Variants in CNTN4 observed in about 807,000 individuals in gnomAD.
CNTN4 encodes contactin-4.
CNTN4 carries 77 observed loss-of-function variants against 122.5 expected under a neutral mutation model. The observed-to-expected ratio is 0.63, with a 90% CI of 0.52 to 0.76. The LOEUF (loss-of-function observed/expected upper bound fraction) is 0.76. Ranked by LOEUF, CNTN4 falls within the 30% of genes least tolerant of loss-of-function variation. The pLI is 0.00. For synonymous variants in CNTN4, 512 were observed against 447.0 expected (o/e 1.15, Z -1.83); for missense variants, 1,256 against 1,259.1 (o/e 1.00, Z 0.04).
At chr3:2,670,186 G>T (rs1338009941) in intron 4 of CNTN4, among the ~76,000 whole-genome samples, 1 of 152,216 alleles carries the variant, frequency 6.6e-6, no homozygotes, top group African/African-American at 2.4e-5. Flanking sequence ...AATGTTGACA[G>T]TGGGGTGTTG....
chr3:2,704,408 T>G (rs1050570580), intron 4 of CNTN4, among the ~76,000 whole-genome samples: 2 of 151,334 alleles, frequency 1.3e-5, no homozygotes, highest in Non-Finnish European at 2.9e-5. Context: ...TACTAGAAAT[T>G]GAAAGTACGA....
rs1427081079 is a variant in CNTN4 at position 2,958,091 on chromosome 3, C to G, written c.1359-30254C>G. The stretch of plus-strand genomic sequence containing the variant: ...GCTGTTGCATTTTAAATGGATGTTT[C>G]CACATATTGCAAGACTGTAGCATCT... On this transcript the variant is annotated intron_variant, in intron 13 of 24. Coordinates refer to ENST00000418658, the MANE Select transcript of CNTN4 (RefSeq NM_175607.3). 1.3e-5 allele frequency among the ~76,000 whole-genome samples: 2 copies of G among 152,018 alleles called. 1 individual carries two copies. Among genetic ancestry groups the G allele is most frequent in the Non-Finnish European group, 2.9e-5 (2 of 68,008 alleles).
At chr3:2,175,961 C>G (rs1003719988) in intron 2 of CNTN4, among the ~76,000 whole-genome samples, 1 of 152,152 alleles carries the variant, frequency 6.6e-6, no homozygotes. Flanking sequence ...TAAGTTAAAT[C>G]TCATGAACTC....
intron 2 of CNTN4, among the ~76,000 whole-genome samples, chr3:2,189,627 AAAG>A (rs1364666463): frequency 1.3e-5 from 2 of 152,164 alleles, no homozygotes; most frequent in Non-Finnish European, 2.9e-5. Flanking sequence ...AAAAACAAAA[AAAG>A]AATGAGGGGC....
intron 14 of CNTN4, among the ~76,000 whole-genome samples, chr3:3,014,086 A>ACACACACC (rs1491165607): frequency 6.7e-5 from 9 of 135,054 alleles, no homozygotes; most frequent in African/African-American, 2.2e-4. Flanking sequence ...ACACACACAC[A>ACACACACC]CCCCTAGGGG....
chr3:3,049,058 G>C (rs988471458), intron 23 of CNTN4, among the ~76,000 whole-genome samples: 1 of 152,150 alleles, frequency 6.6e-6, no homozygotes, highest in Non-Finnish European at 1.5e-5. Flanking sequence ...ACTAAGCACT[G>C]TTCCAATTCA....
chr3:2,883,926 A>G (rs1032219175), intron 9 of CNTN4, among the ~76,000 whole-genome samples: 8 of 152,184 alleles, frequency 5.3e-5, no homozygotes, highest in Non-Finnish European at 7.4e-5. Context: ...GTAACCAGCA[A>G]TAAAGATTTG....
chr3:3,003,703 A>C lies in CNTN4; in HGVS notation c.1486+15231A>C, dbSNP rs1000149124. Among the ~76,000 whole-genome samples the C allele has an allele frequency of 6.5e-4, 97 of 149,186 alleles. 2 individuals are homozygous for C. Among genetic ancestry groups the C allele is most frequent in the Non-Finnish European group, 1.1e-3 (74 of 67,126 alleles). On this transcript the variant is annotated intron_variant, in intron 14 of 24. Transcript: ENST00000418658. ...TTGCACCAAAAAAAAAAAAAAAAAA[A>C]AAAAAAAAAAACAAAAAAACCCCAC...
At position 2,778,594 on chromosome 3, in the gene CNTN4, G is replaced by C. The variant is rs183576138; in HGVS notation, c.358+32897G>C. On this transcript the variant is annotated intron_variant, in intron 6 of 24. Coordinates refer to ENST00000418658, the MANE Select transcript of CNTN4 (RefSeq NM_175607.3). The stretch of plus-strand genomic sequence containing the variant: ...CTCTAACCATGACTACATTCAGTAA[G>C]TGCTGTTTCAGACAGGAAATGGAAC... Among the ~76,000 whole-genome samples, 227 of 152,236 alleles carry C rather than the reference G, an allele frequency of 1.5e-3. 1 individual carries two copies. The highest frequency in any genetic ancestry group is 2.3e-3 in the Non-Finnish European group (157 of 68,020).
chr3:2,907,737 A>G (rs2094253504), intron 12 of CNTN4, among the ~76,000 whole-genome samples: 1 of 152,228 alleles, frequency 6.6e-6, no homozygotes, highest in Non-Finnish European at 1.5e-5. Context: ...GTTAGGAAGC[A>G]TATATTTAAT....
chr3:2,643,770 T>A (rs145072876), intron 4 of CNTN4, among the ~76,000 whole-genome samples: 63 of 152,296 alleles, frequency 4.1e-4, no homozygotes, highest in African/African-American at 1.4e-3. Flanking sequence ...AAGAGTAGAC[T>A]GAGACCACAC....
intron 4 of CNTN4, among the ~76,000 whole-genome samples, chr3:2,668,868 G>T (rs1480954555): frequency 6.6e-6 from 1 of 152,128 alleles, no homozygotes; most frequent in Admixed American, 6.6e-5. Flanking sequence ...TTTGTCGTTG[G>T]TTCTGTTTAT....
At chr3:2,099,145 G>C (rs1046074777) in intron 1 of CNTN4, 167 bp downstream of exon 1, 2 of 152,272 alleles carry the variant, frequency 1.3e-5, no homozygotes, top group Admixed American at 1.3e-4. Context: ...AGCGTCTGCG[G>C]GGCCGTCCAG....
chr3:2,116,248 A>G (rs1489283312), intron 2 of CNTN4, among the ~76,000 whole-genome samples: 1 of 152,180 alleles, frequency 6.6e-6, no homozygotes. Context: ...ATAACAGAAA[A>G]TAATCATAGA....
intron 4 of CNTN4, among the ~76,000 whole-genome samples, chr3:2,674,021 C>T (rs1277167937): frequency 6.6e-6 from 1 of 152,194 alleles, no homozygotes; most frequent in Non-Finnish European, 1.5e-5. Context: ...GTGAGGCCAT[C>T]TCAGACCTTC....
At chr3:2,234,606 T>G (rs911652876) in intron 2 of CNTN4, among the ~76,000 whole-genome samples, 7 of 152,150 alleles carry the variant, frequency 4.6e-5, no homozygotes, top group Admixed American at 3.3e-4. Context: ...TTGGGTACAA[T>G]ACCTAACATT....
At chr3:2,678,311 A>G (rs548278437) in intron 4 of CNTN4, among the ~76,000 whole-genome samples, 2 of 152,216 alleles carry the variant, frequency 1.3e-5, no homozygotes, top group South Asian at 4.1e-4. Context: ...TCGTAAAAAA[A>G]TTTTTTTGAT....
intron 2 of CNTN4, among the ~76,000 whole-genome samples, chr3:2,240,636 C>G (rs894223803): frequency 3.3e-5 from 5 of 151,946 alleles, no homozygotes; most frequent in Non-Finnish European, 1.5e-5. Flanking sequence ...TATGATTCAA[C>G]CTACATATGG....
chr3:2,577,175 A>G (rs1175319763), intron 4 of CNTN4, among the ~76,000 whole-genome samples: 1 of 152,290 alleles, frequency 6.6e-6, no homozygotes. Flanking sequence ...TAAATAAACT[A>G]AACTGCTTGG....
Sources: gnomAD v4.1 joint callset for allele counts (sites outside exome capture counted in the v4.1 genomes callset) on GRCh38, gnomAD v4.1.1 for gene constraint, MANE v1.5 for transcripts, NCBI Gene and HGNC (gene_info 2026-07-23, HGNC 2026-07-21) for gene names.